Variants in WASF1 observed in about 807,000 individuals in gnomAD.
WASF1 encodes the protein WASP family member 1, also known as actin-binding protein WASF1.
In WASF1, 7 loss-of-function variants were observed where a neutral mutation model predicts 50.5. That is an observed-to-expected ratio of 0.14 (90% CI 0.08 to 0.26). The LOEUF (loss-of-function observed/expected upper bound fraction) is 0.26, where lower values mean the gene tolerates loss of function less well. Among genes scored for constraint, WASF1 ranks in the 10% least tolerant of loss-of-function variants. WASF1 has a pLI of 1.00. For missense variants in WASF1, 470 were observed against 694.7 expected, an observed-to-expected ratio of 0.68 and a Z score of 3.64; for synonymous variants, 205 against 244.0, an observed-to-expected ratio of 0.84 and a Z score of 1.49.
chr6:110,104,977 T>C (rs1434072226), intron 8 of WASF1, among the ~76,000 whole-genome samples: 1 of 152,132 alleles, frequency 6.6e-6, no homozygotes. Flanking sequence ...GTGGGCAATG[T>C]GGCAAAGAAA....
intron 3 of WASF1, among the ~76,000 whole-genome samples, chr6:110,132,220 T>C (rs6935544): frequency 0.073 from 11,050 of 151,974 alleles, 538 homozygotes; most frequent in African/African-American, 0.14. Context: ...TATCCCAAGA[T>C]CTTCCTAATC....
chr6:110,127,415 G>T, intron 4 of WASF1, 54 bp downstream of exon 4: 2 of 1,448,674 alleles, frequency 1.4e-6, no homozygotes, highest in Non-Finnish European at 1.8e-6. Context: ...TTCTTAATAC[G>T]CTAAAGCATA....
At chr6:110,146,318 T>G (rs1208090502) in intron 3 of WASF1, among the ~76,000 whole-genome samples, 3 of 152,032 alleles carry the variant, frequency 2.0e-5, no homozygotes, top group Non-Finnish European at 2.9e-5. Context: ...CCTCCCTTCT[T>G]AAGAATAGAA....
At chr6:110,150,908 G>A (rs1037486946) in intron 3 of WASF1, among the ~76,000 whole-genome samples, 1 of 151,950 alleles carries the variant, frequency 6.6e-6, no homozygotes, top group African/African-American at 2.4e-5. Context: ...TTGGTGGCAC[G>A]AGCCTGTAAT....
At position 110,101,748 on chromosome 6, in the gene WASF1, C is replaced by T. The variant is rs749201822; in HGVS notation, c.1362G>A (p.Gly454=). ...TVTALAHPPS[G]LHPTPSTAPG... ...GGGCAGTAGATGGAGTTGGATGTAG[C>T]CCAGAGGGAGGATGAGCAAGAGCTG... Residue 454 remains glycine, a synonymous_variant, in exon 10 of 11, where the codon GGG becomes GGA. Transcript: ENST00000392589. 4 of 1,613,870 alleles carry T rather than the reference C, an allele frequency of 2.5e-6. No individual in the cohort carries two copies. In the African/African-American group the frequency reaches 5.3e-5, roughly 22 times the overall value.
At chr6:110,170,247 G>C (rs112713249) in intron 2 of WASF1, among the ~76,000 whole-genome samples, 1,941 of 152,216 alleles carry the variant, frequency 0.013, 47 homozygotes, top group African/African-American at 0.045. Flanking sequence ...GGGTGAAACA[G>C]AGGTTCCTTC....
intron 3 of WASF1, among the ~76,000 whole-genome samples, chr6:110,141,584 T>G (rs1775238727): frequency 6.6e-6 from 1 of 152,182 alleles, no homozygotes; most frequent in Non-Finnish European, 1.5e-5. Context: ...CATGCCTGAA[T>G]GTCAGCTTTT....
At chr6:110,101,509 GA>G in intron 10 of WASF1, 78 bp downstream of exon 10, 1 of 1,509,786 alleles carries the variant, frequency 6.6e-7, no homozygotes, top group Non-Finnish European at 8.9e-7. Context: ...TATAGATAAG[GA>G]ACACATTTTT....
intron 3 of WASF1, among the ~76,000 whole-genome samples, chr6:110,138,410 GGC>G (rs1775066005): frequency 6.6e-6 from 1 of 152,226 alleles, no homozygotes; most frequent in South Asian, 2.1e-4. Context: ...CCTGCAATGT[GGC>G]AAGTGAGGAT....
chr6:110,145,416 T>C (rs1775508177), intron 3 of WASF1, among the ~76,000 whole-genome samples: 1 of 152,152 alleles, frequency 6.6e-6, no homozygotes, highest in African/African-American at 2.4e-5. Context: ...CAGGGACAAT[T>C]TGACTTCCTC....
intron 9 of WASF1, among the ~76,000 whole-genome samples, chr6:110,102,547 T>C (rs143691250): frequency 2.0e-5 from 3 of 152,248 alleles, no homozygotes; most frequent in Admixed American, 6.5e-5. Context: ...CTATAATGAC[T>C]CAACATTGAT....
chr6:110,164,266 C>T (rs1219534725), intron 2 of WASF1, among the ~76,000 whole-genome samples: 1 of 151,536 alleles, frequency 6.6e-6, no homozygotes, highest in Admixed American at 6.6e-5. Context: ...AATGAGAAAA[C>T]AAGCTACAGA....
In WASF1 at chr6:110,140,799, G is replaced by T. The variant is rs188759871; in HGVS notation, c.-28-13170C>A. 1.3e-3 allele frequency among the ~76,000 whole-genome samples: 195 copies of T among 152,220 alleles called. 1 individual carries two copies. The highest frequency in any genetic ancestry group is 4.6e-3 in the African/African-American group (192 of 41,514). On this transcript the variant is annotated intron_variant, in intron 3 of 10. Transcript: ENST00000392589. ...GGTGTGAAATGATAAAATGCCTACA[G>T]GATCAGATGAAATGAGGTGAATGAC... is the stretch of plus-strand genomic sequence containing the variant.
Position 110,122,859 on chromosome 6 carries a change from C to CT in WASF1, c.133+4609dup, listed in dbSNP as rs144108056. 9.9e-3 allele frequency among the ~76,000 whole-genome samples: 1,500 copies of CT among 152,040 alleles called. 35 individuals carry two copies. The highest frequency in any genetic ancestry group is 0.033 in the African/African-American group (1,382 of 41,448). On this transcript the variant is annotated intron_variant, in intron 4 of 10. Transcript: ENST00000392589. ...AGTTATATGCAAATTTCTGGCTTCA[C>CT]TGAGGATCTGTGCCCCTTACCCCTA...
At chr6:110,103,745 C>T (rs1273894679) in intron 8 of WASF1, among the ~76,000 whole-genome samples, 188 bp from the exon 9 acceptor site, 1 of 152,080 alleles carries the variant, frequency 6.6e-6, no homozygotes, top group African/African-American at 2.4e-5. Context: ...CAATATAACC[C>T]TTACTTGTTG....
At chr6:110,114,218 A>G (rs1204801750) in intron 4 of WASF1, among the ~76,000 whole-genome samples, 1 of 152,190 alleles carries the variant, frequency 6.6e-6, no homozygotes, top group Non-Finnish European at 1.5e-5. Context: ...ATCATGTTTT[A>G]TGCAATACTG....
chr6:110,138,911 A>G (rs1034171707), intron 3 of WASF1, among the ~76,000 whole-genome samples: 3 of 152,026 alleles, frequency 2.0e-5, no homozygotes, highest in Non-Finnish European at 2.9e-5. Flanking sequence ...TTCACTTGGG[A>G]CCCACCCTTT....
chr6:110,141,970 C>G (rs1048940088), intron 3 of WASF1, among the ~76,000 whole-genome samples: 2 of 152,106 alleles, frequency 1.3e-5, no homozygotes, highest in Admixed American at 1.3e-4. Flanking sequence ...CAGGGTTTCA[C>G]CGTGTCAGGC....
At chr6:110,170,666 A>C (rs1486346479) in intron 2 of WASF1, among the ~76,000 whole-genome samples, 1 of 150,676 alleles carries the variant, frequency 6.6e-6, no homozygotes, top group Non-Finnish European at 1.5e-5. Context: ...GAGACAGAGT[A>C]GATTAAAAAA....
Sources: gnomAD v4.1 joint callset for allele counts (sites outside exome capture counted in the v4.1 genomes callset) on GRCh38, gnomAD v4.1.1 for gene constraint, MANE v1.5 for transcripts, NCBI Gene and HGNC (gene_info 2026-07-23, HGNC 2026-07-21) for gene names.